The following MIPOL1 variants were observed in gnomAD, a reference collection of about 807,000 sequenced individuals.
MIPOL1 encodes the protein mirror-image polydactyly 1.
A neutral mutation model predicts 60.9 loss-of-function variants in MIPOL1; 57 were observed. The ratio of observed to expected loss-of-function variants is 0.94; its 90% CI spans 0.76 to 1.17. MIPOL1 has a LOEUF of 1.17. Among genes scored for constraint, MIPOL1 ranks in the 50% most tolerant of loss-of-function variants. The pLI is 0.00. For missense variants in MIPOL1, 551 were observed against 511.6 expected (o/e 1.08, Z -0.74); for synonymous variants, 179 against 168.8 (o/e 1.06, Z -0.47).
intron 9 of MIPOL1, among the ~76,000 whole-genome samples, chr14:37,353,789 TTCTC>T (rs2091591614): frequency 6.6e-6 from 1 of 152,182 alleles, no homozygotes; most frequent in Non-Finnish European, 1.5e-5. Context: ...TATTTGATTC[TTCTC>T]TCTTTTTTTC....
At chr14:37,397,291 C>A (rs1244148453) in intron 10 of MIPOL1, among the ~76,000 whole-genome samples, 1 of 149,562 alleles carries the variant, frequency 6.7e-6, no homozygotes, top group Non-Finnish European at 1.5e-5. Flanking sequence ...TGGGCTGGTA[C>A]TGGGGTTATC....
intron 1 of MIPOL1, among the ~76,000 whole-genome samples, chr14:37,214,972 G>A (rs904246344): frequency 2.6e-5 from 4 of 152,022 alleles, no homozygotes; most frequent in Admixed American, 6.6e-5. Flanking sequence ...GTTATCCGGC[G>A]GCCTAACCAT....
At chr14:37,265,933 T>A (rs892635338) in intron 3 of MIPOL1, among the ~76,000 whole-genome samples, 2 of 152,178 alleles carry the variant, frequency 1.3e-5, no homozygotes, top group Non-Finnish European at 2.9e-5. Context: ...AAATGAGAAA[T>A]ATCCAGAAAT....
intron 10 of MIPOL1, among the ~76,000 whole-genome samples, chr14:37,406,006 A>G (rs1015527597): frequency 5.9e-5 from 9 of 151,816 alleles, no homozygotes; most frequent in African/African-American, 2.2e-4. Flanking sequence ...TGAATGAAAA[A>G]TGTGTTTGTA....
chr14:37,462,306 G>A (rs1001991958), intron 11 of MIPOL1, among the ~76,000 whole-genome samples: 3 of 152,168 alleles, frequency 2.0e-5, no homozygotes, highest in Non-Finnish European at 2.9e-5. Flanking sequence ...TGGGATGCAG[G>A]GCACCAAGTC....
chr14:37,275,344 G>A (rs1211132707), intron 6 of MIPOL1, among the ~76,000 whole-genome samples: 1 of 151,092 alleles, frequency 6.6e-6, no homozygotes, highest in East Asian at 1.9e-4. Context: ...AGAAGCAGAG[G>A]AGAAACATTG....
chr14:37,297,914 C>A lies in MIPOL1; in HGVS notation c.624-10142C>A, dbSNP rs536133214. ...TTTATAGATTTAATGCCATCCCCAT[C>A]AAGCTACCAATGACTTTCTTCACAG... On this transcript the variant is annotated intron_variant, in intron 7 of 12. Transcript: ENST00000684589. Among the ~76,000 whole-genome samples, 8 of 152,276 alleles carry A rather than the reference C, an allele frequency of 5.3e-5. No individual in the cohort carries two copies. The East Asian group carries it at 1.5e-3, about 29-fold the overall frequency.
In MIPOL1 at chr14:37,279,335, C is replaced by A. The variant is rs549935119; in HGVS notation, c.494-5983C>A. Reference sequence around the variant, plus strand: ...TGCGTATTTGCTTTATTCATTCCATCATAATTTGCATTAGAGCTGTGGGTG... The same window carrying A: ...TGCGTATTTGCTTTATTCATTCCATAATAATTTGCATTAGAGCTGTGGGTG... On this transcript the variant is annotated intron_variant, in intron 6 of 12. Transcript: ENST00000684589. 6.0e-5 allele frequency among the ~76,000 whole-genome samples: 9 copies of A among 151,084 alleles called. No homozygotes were observed. In the East Asian group the frequency reaches 1.6e-3, roughly 26 times the overall value.
intron 10 of MIPOL1, among the ~76,000 whole-genome samples, chr14:37,396,548 G>A (rs576264777): frequency 6.6e-5 from 10 of 152,052 alleles, no homozygotes; most frequent in Middle Eastern, 3.4e-3. Flanking sequence ...AGTTTTCCTC[G>A]ATTATTCCCC....
chr14:37,517,512 T>C (rs991812319), intron 12 of MIPOL1, among the ~76,000 whole-genome samples: 1 of 152,204 alleles, frequency 6.6e-6, no homozygotes, highest in African/African-American at 2.4e-5. Flanking sequence ...ATAGTACATA[T>C]GCATTTGCCC....
chr14:37,259,307 G>A (rs1373654958), intron 3 of MIPOL1, among the ~76,000 whole-genome samples: 1 of 152,038 alleles, frequency 6.6e-6, no homozygotes, highest in East Asian at 1.9e-4. Flanking sequence ...TATAATCCCA[G>A]CACTTTGGGA....
intron 9 of MIPOL1, among the ~76,000 whole-genome samples, chr14:37,337,358 T>TATATA (rs2090238688): frequency 2.4e-5 from 1 of 41,986 alleles, no homozygotes; most frequent in African/African-American, 1.5e-4. Flanking sequence ...ATATATATAT[T>TATATA]TTTTTTTTTT....
downstream of MIPOL1, chr14:37,551,916 T>TAAG (rs1212049240): frequency 6.7e-6 from 1 of 148,782 alleles, no homozygotes; most frequent in African/African-American, 2.5e-5. Context: ...ATAATAATAA[T>TAAG]AATAGACTGA....
chr14:37,258,598 A>G (rs1211037786), intron 3 of MIPOL1, among the ~76,000 whole-genome samples: 1 of 152,138 alleles, frequency 6.6e-6, no homozygotes, highest in Non-Finnish European at 1.5e-5. Flanking sequence ...TTGTAATAGA[A>G]GTTGTACAAA....
chr14:37,311,432 C>T (rs940654819), intron 9 of MIPOL1, among the ~76,000 whole-genome samples: 1 of 152,110 alleles, frequency 6.6e-6, no homozygotes, highest in African/African-American at 2.4e-5. Flanking sequence ...TATTTGCTGA[C>T]AAGTTGTTAT....
intron 3 of MIPOL1, 63 bp from the exon 4 acceptor site, chr14:37,266,874 GA>G (rs1334030177): frequency 9.2e-7 from 1 of 1,086,988 alleles, no homozygotes; most frequent in African/African-American, 1.6e-5. Context: ...TTATTTGACT[GA>G]ATGATTTAAT....
intron 3 of MIPOL1, among the ~76,000 whole-genome samples, chr14:37,256,655 T>G (rs1974965362): frequency 6.6e-6 from 1 of 151,802 alleles, no homozygotes; most frequent in Non-Finnish European, 1.5e-5. Flanking sequence ...AGTTAAAGAT[T>G]AGGACAAGGC....
intron 10 of MIPOL1, among the ~76,000 whole-genome samples, chr14:37,396,297 A>G (rs1595578748): frequency 6.6e-6 from 1 of 152,170 alleles, no homozygotes; most frequent in Non-Finnish European, 1.5e-5. Flanking sequence ...GGCTTAAGAT[A>G]GGGTCCCAGT....
chr14:37,483,184 C>A (rs1429484177), intron 11 of MIPOL1, among the ~76,000 whole-genome samples: 1 of 149,630 alleles, frequency 6.7e-6, no homozygotes, highest in African/African-American at 2.5e-5. Context: ...ATGATCCTGA[C>A]TCACTCCAAC....
Sources: gnomAD v4.1 joint callset for allele counts (sites outside exome capture counted in the v4.1 genomes callset) on GRCh38, gnomAD v4.1.1 for gene constraint, MANE v1.5 for transcripts, NCBI Gene and HGNC (gene_info 2026-07-23, HGNC 2026-07-21) for gene names.